The following TEX11 variants were observed in gnomAD, a reference collection of about 807,000 sequenced individuals.
TEX11 encodes testis expressed 11.
In TEX11, 7 loss-of-function variants were observed where a neutral mutation model predicts 84.4. That is an observed-to-expected ratio of 0.08 (90% confidence interval 0.05 to 0.16). The LOEUF (loss-of-function observed/expected upper bound fraction) is 0.16, where lower values mean the gene tolerates loss of function less well. Among genes scored for constraint, TEX11 ranks in the 10% least tolerant of loss-of-function variants. The pLI is 1.00. For missense variants in TEX11, 551 were observed against 660.5 expected (o/e 0.83, Z 1.82); for synonymous variants, 264 against 222.8 (o/e 1.18, Z -1.64).
chrX:70,644,562 C>G (rs2089714371), intron 17 of TEX11, among the ~76,000 whole-genome samples: 1 of 105,970 alleles, frequency 9.4e-6, no homozygotes, highest in Admixed American at 1.0e-4. Flanking sequence ...GAAAATGTGG[C>G]ACATATACAC....
chrX:70,531,147 T>C (rs2087882936), intron 28 of TEX11, among the ~76,000 whole-genome samples: 1 of 111,845 alleles, frequency 8.9e-6, no homozygotes, highest in South Asian at 3.8e-4. Context: ...CTCCAGACTA[T>C]TGAGTTCCTT....
chrX:70,897,178 GTTATATATAATATATGTTA>G (rs2091771984), intron 2 of TEX11, among the ~76,000 whole-genome samples: 1 of 25,454 alleles, frequency 3.9e-5, no homozygotes, highest in Admixed American at 4.0e-4. Context: ...TTATATATAT[GTTATATATAATATATGTTA>G]TATATTATAT....
At chrX:70,639,801 A>C (rs939484079) in intron 17 of TEX11, among the ~76,000 whole-genome samples, 1 of 111,648 alleles carries the variant, frequency 9.0e-6, no homozygotes, top group Non-Finnish European at 1.9e-5. Flanking sequence ...AAAGTAGATA[A>C]AACCACAAAG....
At chrX:70,682,052 CTTAGTTGGAAGGACGAAG>C (rs1191579800) in intron 14 of TEX11, among the ~76,000 whole-genome samples, 2 of 111,647 alleles carry the variant, frequency 1.8e-5, no homozygotes, top group Admixed American at 1.9e-4. Flanking sequence ...TCTACATGCA[CTTAGTTGGAAGGACGAAG>C]TGGTGAAGAG....
intron 15 of TEX11, among the ~76,000 whole-genome samples, chrX:70,674,638 T>G (rs1246668833): frequency 8.9e-6 from 1 of 112,126 alleles, no homozygotes; most frequent in African/African-American, 3.2e-5. Flanking sequence ...AGAACAATCT[T>G]GTCTCTCTAT....
rs191292131 is a variant in TEX11, at chrX:70,867,994, A to C, written c.244+5229T>G. ...AAGACTTCATGACTAAAACACCAAA[A>C]GCAATTGCAGCAAAAGCCAAAATTG... On this transcript the variant is annotated intron_variant, in intron 4 of 29. Coordinates refer to ENST00000374333, the MANE Select transcript of TEX11 (RefSeq NM_031276.3). Among the ~76,000 whole-genome samples the C allele has an allele frequency of 4.5e-3, 508 of 112,043 alleles. 2 individuals carry two copies. The highest frequency in any genetic ancestry group is 0.016 in the African/African-American group (486 of 30,910).
intron 28 of TEX11, among the ~76,000 whole-genome samples, chrX:70,541,361 G>A (rs1569316040): frequency 1.8e-5 from 2 of 111,388 alleles, no homozygotes; most frequent in Non-Finnish European, 1.9e-5. Flanking sequence ...AGAGTGTGAG[G>A]GCTATACAAA....
intron 13 of TEX11, among the ~76,000 whole-genome samples, chrX:70,705,738 A>G (rs1463220049): frequency 3.6e-5 from 4 of 111,957 alleles, no homozygotes; most frequent in African/African-American, 6.5e-5. Context: ...TCAGAGAAAT[A>G]CAAATCAAAA....
chrX:70,696,067 T>C (rs932503013), intron 13 of TEX11, among the ~76,000 whole-genome samples: 1 of 111,899 alleles, frequency 8.9e-6, no homozygotes, highest in African/African-American at 3.2e-5. Context: ...CACTTTTTCA[T>C]TGATTCTTAG....
At chrX:70,606,849 G>T in intron 23 of TEX11, 110 bp downstream of exon 23, 1 of 412,691 alleles carries the variant, frequency 2.4e-6, no homozygotes. Flanking sequence ...TATATTAAAA[G>T]TTCCTAGATC....
At chrX:70,710,523 C>T (rs2090419199) in intron 13 of TEX11, among the ~76,000 whole-genome samples, 1 of 108,988 alleles carries the variant, frequency 9.2e-6, no homozygotes. Context: ...GTGATGAAGA[C>T]TGGGGACAGG....
rs1365543883 is a variant in TEX11 at position 70,761,311 on chromosome X, A to G, written c.693-17092T>C. On this transcript the variant is annotated intron_variant, in intron 9 of 29. Coordinates refer to ENST00000374333, the MANE Select transcript of TEX11 (RefSeq NM_031276.3). ...CGCTACTATAAAGACACATGCACAC[A>G]TATGTTTATTGTGGCACCATTTACA... Among the ~76,000 whole-genome samples the G allele has an allele frequency of 3.6e-5, 4 of 112,103 alleles. No homozygotes were observed. The East Asian group carries it at 1.1e-3, about 31-fold the overall frequency.
chrX:70,584,629 T>C (rs1455985622), intron 25 of TEX11, among the ~76,000 whole-genome samples: 1 of 111,610 alleles, frequency 9.0e-6, no homozygotes, highest in Non-Finnish European at 1.9e-5. Flanking sequence ...TCTTTATGGA[T>C]ATCAATTAAA....
chrX:70,836,058 G>T lies in TEX11; in HGVS notation c.526-2465C>A, dbSNP rs1304132336. Reference sequence around the variant, plus strand: ...TTGAACCCGGGAAGCAGAGGCTGCAGTGAGCCGAGATGGCGCAATATTGCC... The same window carrying T: ...TTGAACCCGGGAAGCAGAGGCTGCATTGAGCCGAGATGGCGCAATATTGCC... On this transcript the variant is annotated intron_variant, in intron 7 of 29. Transcript: ENST00000374333. Among the ~76,000 whole-genome samples, 3 of 104,798 alleles carry T rather than the reference G, an allele frequency of 2.9e-5. No individual in the cohort carries two copies. The Admixed American group carries it at 3.2e-4, about 11-fold the overall frequency. The allele number at this position is 104,798 out of a possible 115,157, so 91.0% of individuals were successfully genotyped here.
At chrX:70,611,424 C>G (rs1161278237) in intron 20 of TEX11, among the ~76,000 whole-genome samples, 1 of 111,865 alleles carries the variant, frequency 8.9e-6, no homozygotes, top group Admixed American at 9.5e-5. Flanking sequence ...GCGTAACTGA[C>G]AAACCACTGG....
At chrX:70,697,446 A>G (rs1168202652) in intron 13 of TEX11, among the ~76,000 whole-genome samples, 1 of 111,686 alleles carries the variant, frequency 9.0e-6, no homozygotes, top group African/African-American at 3.2e-5. Context: ...TTGCTAACAT[A>G]TACTCACTGC....
chrX:70,811,525 T>C (rs1385825888), intron 8 of TEX11, among the ~76,000 whole-genome samples: 13 of 111,966 alleles, frequency 1.2e-4, no homozygotes, highest in Non-Finnish European at 2.1e-4. Flanking sequence ...ATTTATAATC[T>C]TTTGGGTATA....
At chrX:70,651,908 A>G (rs1375644238) in intron 16 of TEX11, among the ~76,000 whole-genome samples, 1 of 111,992 alleles carries the variant, frequency 8.9e-6, no homozygotes, top group African/African-American at 3.2e-5. Context: ...AGGTAAACAG[A>G]AAAGTAAAGT....
intron 9 of TEX11, among the ~76,000 whole-genome samples, chrX:70,786,317 C>G (rs2091078686): frequency 9.1e-6 from 1 of 110,441 alleles, no homozygotes. Flanking sequence ...CAGGGCCTGT[C>G]AGGAGGTGGT....
Sources: allele counts gnomAD v4.1 joint callset (sites outside exome capture counted in the v4.1 genomes callset), GRCh38; gene constraint gnomAD v4.1.1; transcripts MANE v1.5; gene names NCBI Gene and HGNC (gene_info 2026-07-23, HGNC 2026-07-21).